The following PIK3R5 variants were observed in gnomAD, a reference collection of about 807,000 sequenced individuals.
PIK3R5 encodes the protein phosphoinositide 3-kinase regulatory subunit 5.
Under a neutral mutation model 94.9 loss-of-function variants are expected in PIK3R5, and 32 were observed. The observed-to-expected ratio is 0.34, with a 90% CI of 0.25 to 0.45. PIK3R5 has a LOEUF of 0.45. Ranked by LOEUF, PIK3R5 falls within the 20% of genes least tolerant of loss-of-function variation. The pLI is 1.00. For synonymous variants in PIK3R5, 443 were observed against 479.4 expected (o/e 0.92, Z 0.99); for missense variants, 853 against 1,144.6 (o/e 0.75, Z 3.68).
intron 1 of PIK3R5, among the ~76,000 whole-genome samples, chr17:8,940,506 C>T (rs751506590): frequency 2.0e-5 from 3 of 152,166 alleles, no homozygotes; most frequent in Admixed American, 6.5e-5. Flanking sequence ...ATACACAAAA[C>T]GACCACAGTT....
Position 8,904,738 on chromosome 17 carries a change from C to T in PIK3R5, c.412+39G>A. 6.2e-7 allele frequency: 1 copy of T among 1,608,714 alleles called. No homozygotes were observed. On this transcript the variant is annotated intron_variant, in intron 5 of 18. Transcript: ENST00000447110. The surrounding 1 kb of genome is among the most constrained non-coding windows in gnomAD (Gnocchi z 5.1). ...GAGGAGTTGGAAGCATTCTGACCTTCTGAGCCCTGTCCCCCGTGCCAGCTG... is the reference window on the plus strand; with the variant it reads ...GAGGAGTTGGAAGCATTCTGACCTTTTGAGCCCTGTCCCCCGTGCCAGCTG...
rs1445311731 is a variant in PIK3R5, at chr17:8,925,336, G to GTAGA, written c.-13-13833_-13-13830dup. Among the ~76,000 whole-genome samples, 1 of 151,646 alleles carries GTAGA rather than the reference G, an allele frequency of 6.6e-6. No individual in the cohort carries two copies. The highest frequency in any genetic ancestry group is 1.5e-5 in the Non-Finnish European group (1 of 67,948). ...TGGATAGATAGTAGATGGATAGACA[G>GTAGA]TAGATTGATAGATAGATGGATTGAT... On this transcript the variant is annotated intron_variant, in intron 1 of 18. Transcript: ENST00000447110. This position sits in a 1 kb window ranked among gnomAD's most constrained non-coding sequence, Gnocchi z 5.1.
chr17:8,954,317 C>G (rs1848296889), intron 1 of PIK3R5, among the ~76,000 whole-genome samples: 2 of 152,218 alleles, frequency 1.3e-5, no homozygotes, highest in South Asian at 4.1e-4. Context: ...TTTTACATCT[C>G]CCTTGTCCTC....
chr17:8,942,975 C>CAA (rs1279829615), intron 1 of PIK3R5, among the ~76,000 whole-genome samples: 1 of 151,902 alleles, frequency 6.6e-6, no homozygotes, highest in East Asian at 1.9e-4. Context: ...CACACACACA[C>CAA]ACACACACAC....
chr17:8,923,631 C>A (rs1174970959), intron 1 of PIK3R5, among the ~76,000 whole-genome samples: 1 of 152,206 alleles, frequency 6.6e-6, no homozygotes. Context: ...AAGCTCCAGG[C>A]AGCAACCGAA....
chr17:8,889,105 G>A lies in PIK3R5; in HGVS notation c.895+34C>T, dbSNP rs1283153353. ...CCAGAAACACAGCTCAGGCAGTGTG[G>A]GGCATGGGTGTCACCAGGGCCCCGG... On this transcript the variant is annotated intron_variant, in intron 9 of 18. Coordinates refer to ENST00000447110, the MANE Select transcript of PIK3R5 (RefSeq NM_001142633.3). The surrounding 1 kb of genome is among the most constrained non-coding windows in gnomAD (Gnocchi z 4.1). 3 of 1,595,910 alleles carry A rather than the reference G, an allele frequency of 1.9e-6. No homozygotes were observed. Among genetic ancestry groups the A allele is most frequent in the African/African-American group, 1.3e-5 (1 of 74,354 alleles).
intron 3 of PIK3R5, among the ~76,000 whole-genome samples, chr17:8,907,665 G>A (rs2090426375): frequency 6.6e-6 from 1 of 151,186 alleles, no homozygotes; most frequent in South Asian, 2.1e-4. Flanking sequence ...AGAGAAATAG[G>A]GTCTTGCTCT....
chr17:8,899,638 A>G (rs2090231941), intron 5 of PIK3R5, among the ~76,000 whole-genome samples: 1 of 152,180 alleles, frequency 6.6e-6, no homozygotes, highest in South Asian at 2.1e-4. Context: ...CCACTAAGTT[A>G]TTCAGCCTCT....
At chr17:8,958,154 T>C (rs1189149220) in intron 1 of PIK3R5, among the ~76,000 whole-genome samples, 1 of 151,560 alleles carries the variant, frequency 6.6e-6, no homozygotes, top group Admixed American at 6.6e-5. Flanking sequence ...CTACTAAAAA[T>C]ACAAAAATTA....
chr17:8,927,527 C>G (rs557886806), intron 1 of PIK3R5, among the ~76,000 whole-genome samples: 14 of 152,340 alleles, frequency 9.2e-5, no homozygotes, highest in African/African-American at 3.1e-4. Flanking sequence ...TAAAGAGACA[C>G]CTCCATGATA....
rs768437847 is a variant in PIK3R5 at position 8,904,742 on chromosome 17, G to A, written c.412+35C>T. On this transcript the variant is annotated intron_variant, in intron 5 of 18. Coordinates refer to ENST00000447110, the MANE Select transcript of PIK3R5 (RefSeq NM_001142633.3). This position sits in a 1 kb window ranked among gnomAD's most constrained non-coding sequence, Gnocchi z 5.1. Reference sequence around the variant, plus strand: ...AGTTGGAAGCATTCTGACCTTCTGAGCCCTGTCCCCCGTGCCAGCTGCCTC... The same window carrying A: ...AGTTGGAAGCATTCTGACCTTCTGAACCCTGTCCCCCGTGCCAGCTGCCTC... 1 of 1,610,228 alleles carries A rather than the reference G, an allele frequency of 6.2e-7. No individual in the cohort carries two copies. Among genetic ancestry groups the A allele is most frequent in the Admixed American group, 1.7e-5 (1 of 59,884 alleles).
At chr17:8,900,452 T>C (rs1399270346) in intron 5 of PIK3R5, among the ~76,000 whole-genome samples, 2 of 152,168 alleles carry the variant, frequency 1.3e-5, no homozygotes, top group Non-Finnish European at 2.9e-5. Flanking sequence ...GAGTTGATGG[T>C]TTCCTATTTT....
intron 1 of PIK3R5, among the ~76,000 whole-genome samples, chr17:8,922,217 G>A (rs2090765265): frequency 6.6e-6 from 1 of 151,824 alleles, no homozygotes; most frequent in South Asian, 2.1e-4. Flanking sequence ...ATTATTGAGT[G>A]GCTGATCTGT....
chr17:8,936,090 A>G (rs1451124511), intron 1 of PIK3R5, among the ~76,000 whole-genome samples: 2 of 150,792 alleles, frequency 1.3e-5, no homozygotes, highest in Admixed American at 6.6e-5. Context: ...GTTTATTTCT[A>G]TTTCTTTTAT....
intron 1 of PIK3R5, among the ~76,000 whole-genome samples, chr17:8,959,831 C>T (rs1274049704): frequency 6.6e-6 from 1 of 152,196 alleles, no homozygotes; most frequent in Non-Finnish European, 1.5e-5. Context: ...CTTCTGAACC[C>T]TCCCAGAACA....
chr17:8,942,559 G>A (rs867792934), intron 1 of PIK3R5, among the ~76,000 whole-genome samples: 10 of 152,190 alleles, frequency 6.6e-5, no homozygotes, highest in African/African-American at 2.4e-4. Flanking sequence ...AAGGAAGACA[G>A]AGGGAAGCTA....
At chr17:8,910,977 C>T (rs937834667) in intron 2 of PIK3R5, among the ~76,000 whole-genome samples, 2 of 152,178 alleles carry the variant, frequency 1.3e-5, no homozygotes, top group African/African-American at 4.8e-5. Flanking sequence ...TGCAGCTCTG[C>T]TGAGTTTTCC....
chr17:8,934,907 C>T (rs1317310366), intron 1 of PIK3R5, among the ~76,000 whole-genome samples: 1 of 152,188 alleles, frequency 6.6e-6, no homozygotes, highest in East Asian at 1.9e-4. Flanking sequence ...TCACTGGACC[C>T]CAAGAGTTCT....
intron 1 of PIK3R5, among the ~76,000 whole-genome samples, chr17:8,922,089 C>T (rs1272274614): frequency 1.3e-5 from 2 of 148,280 alleles, no homozygotes; most frequent in African/African-American, 5.0e-5. Context: ...ACAAACCACC[C>T]GATTTGTTCA....
Sources: gnomAD v4.1 joint callset for allele counts (sites outside exome capture counted in the v4.1 genomes callset) on GRCh38, gnomAD v4.1.1 for gene constraint, Gnocchi (gnomAD v3.1) non-coding constraint, MANE v1.5 for transcripts, NCBI Gene and HGNC (gene_info 2026-07-23, HGNC 2026-07-21) for gene names.